MYLK4: variants seen among roughly 807,000 people sequenced by gnomAD.
MYLK4 encodes the protein myosin light chain kinase family member 4.
In MYLK4, 46 loss-of-function variants were observed where a neutral mutation model predicts 48.1. The observed-to-expected ratio is 0.96, with a 90% CI of 0.75 to 1.22. MYLK4 has a LOEUF of 1.22. MYLK4 is among the 50% of genes most tolerant of loss of function. The probability of loss-of-function intolerance (pLI) is 0.00; values close to 1 mark genes in which losing one functional copy is unlikely to be tolerated. For missense variants in MYLK4, 451 were observed against 486.1 expected, an observed-to-expected ratio of 0.93 and a Z score of 0.68; for synonymous variants, 170 against 180.8, an observed-to-expected ratio of 0.94 and a Z score of 0.48.
Position 2,685,665 on chromosome 6 carries a change from G to T in MYLK4, c.342-89C>A. 1 of 1,150,902 alleles carries T rather than the reference G, an allele frequency of 8.7e-7. No homozygotes were observed. Among genetic ancestry groups the T allele is most frequent in the Non-Finnish European group, 1.3e-6 (1 of 776,522 alleles). 71.3% of individuals were successfully genotyped at this position (1,150,902 alleles called of 1,614,324 possible). The stretch of plus-strand genomic sequence containing the variant: ...CAGTGGCCCCAGTATTTCTCCTGCT[G>T]AGTCTGGATGAGCAGCCCTCTGAGG... On this transcript the variant is annotated intron_variant, in intron 4 of 12. Transcript: ENST00000274643. This position sits in a 1 kb window ranked among gnomAD's most constrained non-coding sequence, Gnocchi z 4.5.
intron 2 of MYLK4, among the ~76,000 whole-genome samples, chr6:2,720,986 C>A (rs528177772): frequency 3.7e-4 from 56 of 152,066 alleles, no homozygotes; most frequent in African/African-American, 1.3e-3. Context: ...CATGGTGAAA[C>A]CCTGTCTCTA....
intron 2 of MYLK4, among the ~76,000 whole-genome samples, chr6:2,735,034 T>C (rs1389294800): frequency 6.6e-6 from 1 of 152,210 alleles, no homozygotes; most frequent in Non-Finnish European, 1.5e-5. Flanking sequence ...TGTCAAAGCT[T>C]AGAATATGTA....
chr6:2,718,542 G>T (rs1395624759), intron 2 of MYLK4, among the ~76,000 whole-genome samples: 1 of 152,186 alleles, frequency 6.6e-6, no homozygotes, highest in African/African-American at 2.4e-5. Context: ...AAGCAGATAT[G>T]GTAGGAGCTC....
chr6:2,687,905 C>T (rs1383248895), intron 4 of MYLK4, among the ~76,000 whole-genome samples: 4 of 152,096 alleles, frequency 2.6e-5, no homozygotes, highest in Non-Finnish European at 2.9e-5. Flanking sequence ...ACAGACATGC[C>T]GATGGCAGCA....
chr6:2,740,458 G>A (rs2126235), intron 2 of MYLK4, among the ~76,000 whole-genome samples: 5,597 of 152,292 alleles, frequency 0.037, 255 homozygotes, highest in East Asian at 0.27. Context: ...CAAGACCCCC[G>A]ATGGTGGAGA....
chr6:2,735,696 C>T (rs1192999867), intron 2 of MYLK4, among the ~76,000 whole-genome samples: 1 of 152,130 alleles, frequency 6.6e-6, no homozygotes, highest in African/African-American at 2.4e-5. Context: ...AAACTATGCA[C>T]ACACCTGGCT....
chr6:2,748,666 AGAG>A (rs1764183249), intron 2 of MYLK4, among the ~76,000 whole-genome samples: 1 of 152,226 alleles, frequency 6.6e-6, no homozygotes, highest in African/African-American at 2.4e-5. Context: ...CGTTCTGCAC[AGAG>A]GAGGGTACAA....
chr6:2,671,253 T>G (rs1432111615), intron 12 of MYLK4, 23 bp downstream of exon 12: 3 of 1,533,826 alleles, frequency 2.0e-6, no homozygotes, highest in Non-Finnish European at 2.7e-6. Flanking sequence ...CACAGACACC[T>G]CTTCAGGAGA....
intron 2 of MYLK4, among the ~76,000 whole-genome samples, chr6:2,704,437 C>T (rs543138764): frequency 5.9e-5 from 9 of 152,356 alleles, no homozygotes; most frequent in African/African-American, 2.2e-4. Context: ...GCATCTGAAA[C>T]TCTATCCTCA....
chr6:2,695,186 CTG>C (rs571426001), intron 2 of MYLK4, among the ~76,000 whole-genome samples: 94 of 152,322 alleles, frequency 6.2e-4, no homozygotes, highest in Non-Finnish European at 1.1e-3. Flanking sequence ...TGTTTTATAA[CTG>C]TCTTTCAGTT....
intron 11 of MYLK4, among the ~76,000 whole-genome samples, chr6:2,674,545 C>T (rs552077324): frequency 6.6e-6 from 1 of 152,288 alleles, no homozygotes; most frequent in East Asian, 1.9e-4. Flanking sequence ...TGTTAAACAA[C>T]AAATACATTA....
At chr6:2,678,536 G>A (rs764593634) in intron 9 of MYLK4, among the ~76,000 whole-genome samples, 164 bp from the exon 10 acceptor site, 26 of 151,964 alleles carry the variant, frequency 1.7e-4, no homozygotes, top group Non-Finnish European at 3.2e-4. Context: ...AATGCTTGCC[G>A]CCCCCACCCA....
chr6:2,680,316 G>C, intron 7 of MYLK4, 25 bp from the exon 8 acceptor site: 1 of 1,613,248 alleles, frequency 6.2e-7, no homozygotes, highest in Middle Eastern at 1.7e-4. Flanking sequence ...AGACACATTA[G>C]CAATGAAAAC....
rs1405486382 is a variant in MYLK4 at position 2,666,469 on chromosome 6, G to T, written c.*1456C>A. On this transcript the variant is annotated 3_prime_UTR_variant, in exon 13 of 13. Transcript: ENST00000274643. Reference sequence around the variant, plus strand: ...TTGAACCTGGGAGGCGGAGGTTGCAGTGAGCCGAGATGGGGCCACTGCACT... The same window carrying T: ...TTGAACCTGGGAGGCGGAGGTTGCATTGAGCCGAGATGGGGCCACTGCACT... 1 of 152,258 alleles carries T rather than the reference G, an allele frequency of 6.6e-6. No homozygotes were observed. Among genetic ancestry groups the T allele is most frequent in the East Asian group, 1.9e-4 (1 of 5,192 alleles). 9.4% of individuals were successfully genotyped at this position (152,258 alleles called of 1,614,324 possible). A position where few individuals can be genotyped will look rare whatever the true frequency, so the allele number is the denominator to read the frequency against.
intron 2 of MYLK4, among the ~76,000 whole-genome samples, chr6:2,716,658 A>T (rs6913591): frequency 2.6e-5 from 4 of 152,072 alleles, no homozygotes; most frequent in Non-Finnish European, 5.9e-5. Context: ...TGATCCACAC[A>T]TTATCAGTTA....
chr6:2,718,064 C>T (rs1376535483), intron 2 of MYLK4, among the ~76,000 whole-genome samples: 1 of 151,960 alleles, frequency 6.6e-6, no homozygotes, highest in African/African-American at 2.4e-5. Context: ...CCTGTAATTC[C>T]AGCTACTACG....
intron 4 of MYLK4, among the ~76,000 whole-genome samples, chr6:2,687,042 C>G (rs1231650817): frequency 3.9e-5 from 6 of 152,162 alleles, no homozygotes; most frequent in Non-Finnish European, 2.9e-5. Flanking sequence ...TGGTTCAACA[C>G]AGTGATAACC....
intron 2 of MYLK4, among the ~76,000 whole-genome samples, chr6:2,741,732 CTAATT>C (rs2113360323): frequency 1.1e-5 from 1 of 90,780 alleles, no homozygotes; most frequent in Admixed American, 1.1e-4. Flanking sequence ...GTTGTACACT[CTAATT>C]TAGGAGAGAT....
rs1760845659 is a variant in MYLK4, at chr6:2,670,547, C to T, written c.*25+729G>A. Among the ~76,000 whole-genome samples the T allele has an allele frequency of 6.6e-5, 10 of 152,246 alleles. No homozygotes were observed. The South Asian group carries it at 2.1e-3, about 32-fold the overall frequency. On this transcript the variant is annotated intron_variant, in intron 12 of 12. Coordinates refer to ENST00000274643, the MANE Select transcript of MYLK4 (RefSeq NM_001012418.5). ...GGCAAGGACATGAATGTTGGGTTTT[C>T]TTAGAGTCCTTCATAAGTACATGTG...
Sources: allele counts gnomAD v4.1 joint callset (sites outside exome capture counted in the v4.1 genomes callset), GRCh38; gene constraint gnomAD v4.1.1; non-coding constraint Gnocchi (gnomAD v3.1); transcripts MANE v1.5; gene names NCBI Gene and HGNC (gene_info 2026-07-23, HGNC 2026-07-21).